MAPK10: variants seen among roughly 807,000 people sequenced by gnomAD.
MAPK10 encodes JNK3 alpha protein kinase.
A neutral mutation model predicts 59.3 loss-of-function variants in MAPK10; 25 were observed. The observed-to-expected ratio is 0.42, with a 90% confidence interval of 0.31 to 0.59. The LOEUF is 0.59. MAPK10 is among the 20% of genes least tolerant of loss of function. The pLI, the probability that MAPK10 is intolerant of heterozygous loss-of-function variation, is 0.15. For synonymous variants in MAPK10, 190 were observed against 200.5 expected, an observed-to-expected ratio of 0.95 and a Z score of 0.44; for missense variants, 351 against 568.9, an observed-to-expected ratio of 0.62 and a Z score of 3.90.
chr4:86,070,257 C>T (rs1220768026), intron 9 of MAPK10, among the ~76,000 whole-genome samples: 2 of 151,922 alleles, frequency 1.3e-5, no homozygotes, highest in Non-Finnish European at 2.9e-5. Flanking sequence ...GTGTGTATAT[C>T]TACATATGGT....
At chr4:86,037,451 T>TGG (rs1467650403) in intron 11 of MAPK10, among the ~76,000 whole-genome samples, 16 of 150,836 alleles carry the variant, frequency 1.1e-4, no homozygotes, top group Non-Finnish European at 1.9e-4. Context: ...ACTTGGGAGG[T>TGG]GGAGCTTGCA....
At position 86,226,845 on chromosome 4, in the gene MAPK10, A is replaced by C. The variant is rs570982957; in HGVS notation, c.-6-32438T>G. ...TGAGAATGAATTCCTGAAGAATCTG[A>C]CATAGCTGTCCCTGAGCATTTGCCA... On this transcript the variant is annotated intron_variant, in intron 2 of 13. Coordinates refer to ENST00000641462, the MANE Select transcript of MAPK10 (RefSeq NM_138982.4). Among the ~76,000 whole-genome samples the C allele has an allele frequency of 2.0e-5, 3 of 152,312 alleles. No homozygotes were observed. The South Asian group carries it at 6.2e-4, about 32-fold the overall frequency.
At chr4:86,080,323 AT>A (rs1235449997) in intron 9 of MAPK10, 1 of 151,878 alleles carries the variant, frequency 6.6e-6, no homozygotes, top group Non-Finnish European at 1.5e-5. Context: ...AAAAAAAAAA[AT>A]CCCAAATGAA....
At chr4:86,307,129 T>C (rs780523130) in intron 2 of MAPK10, among the ~76,000 whole-genome samples, 4 of 152,152 alleles carry the variant, frequency 2.6e-5, no homozygotes, top group African/African-American at 4.8e-5. Context: ...GTGGCATAAA[T>C]TGAGATTCCA....
chr4:86,438,239 T>C (rs1675930958), intron 1 of MAPK10, among the ~76,000 whole-genome samples: 1 of 152,238 alleles, frequency 6.6e-6, no homozygotes, highest in South Asian at 2.1e-4. Context: ...TTATTGTATG[T>C]TATACTTAAA....
intron 1 of MAPK10, among the ~76,000 whole-genome samples, chr4:86,452,848 A>G: frequency 6.6e-6 from 1 of 152,132 alleles, no homozygotes. Context: ...CTGCAGGAAT[A>G]CATTAGGAAT....
chr4:86,544,788 T>C (rs950701060), intron 1 of MAPK10, among the ~76,000 whole-genome samples: 2 of 152,236 alleles, frequency 1.3e-5, no homozygotes, highest in African/African-American at 4.8e-5. Context: ...GATTGCTTCC[T>C]GTGGTGAACA....
intron 2 of MAPK10, among the ~76,000 whole-genome samples, chr4:86,236,186 A>G (rs2092208383): frequency 6.6e-6 from 1 of 152,190 alleles, no homozygotes; most frequent in East Asian, 1.9e-4. Flanking sequence ...GACCCTTGTG[A>G]TTATATTGGG....
At chr4:86,524,376 T>C (rs1479762997) in intron 1 of MAPK10, among the ~76,000 whole-genome samples, 1 of 152,230 alleles carries the variant, frequency 6.6e-6, no homozygotes, top group Non-Finnish European at 1.5e-5. Context: ...AATCTTGAAG[T>C]AATCACTTGA....
chr4:86,499,556 A>G (rs1259931058), intron 1 of MAPK10, among the ~76,000 whole-genome samples: 1 of 152,232 alleles, frequency 6.6e-6, no homozygotes, highest in Non-Finnish European at 1.5e-5. Context: ...CAATTAGACA[A>G]AAAGACAAAC....
Position 86,571,327 on chromosome 4 carries a change from C to CGTGT in MAPK10, c.-263+22579_-263+22582dup, listed in dbSNP as rs34133535. On this transcript the variant is annotated intron_variant, in intron 1 of 4. Coordinates refer to the MAPK10 transcript ENST00000502302. ...TATATATTTACTGGATATATATATACGTGTGTGTGTGTGTGTGTGTGTGTG... is the reference window on the plus strand; with the variant it reads ...TATATATTTACTGGATATATATATACGTGTGTGTGTGTGTGTGTGTGTGTGTGTG... Among the ~76,000 whole-genome samples the CGTGT allele has an allele frequency of 1.4e-3, 195 of 139,702 alleles. 1 individual carries two copies. Among genetic ancestry groups the CGTGT allele is most frequent in the Middle Eastern group, 3.8e-3 (1 of 260 alleles). 91.6% of individuals were successfully genotyped at this position (139,702 alleles called of 152,430 possible).
chr4:86,380,912 GAA>G (rs969214138), intron 1 of MAPK10, among the ~76,000 whole-genome samples: 4 of 141,340 alleles, frequency 2.8e-5, no homozygotes, highest in Non-Finnish European at 4.6e-5. Context: ...ATTTAAAAAA[GAA>G]AAAGAGAGAC....
intron 2 of MAPK10, among the ~76,000 whole-genome samples, chr4:86,230,773 C>G (rs2091421189): frequency 6.6e-6 from 1 of 151,984 alleles, no homozygotes; most frequent in African/African-American, 2.4e-5. Context: ...TGTTTTTAAC[C>G]TCAAAATAGC....
intron 1 of MAPK10, among the ~76,000 whole-genome samples, chr4:86,469,847 T>C (rs1358405182): frequency 1.3e-5 from 2 of 152,084 alleles, no homozygotes; most frequent in African/African-American, 4.8e-5. Flanking sequence ...GACTAAGAGG[T>C]AAAGACAATT....
Position 86,236,682 on chromosome 4 carries a change from T to C in MAPK10, c.-6-42275A>G, listed in dbSNP as rs145647012. Among the ~76,000 whole-genome samples the C allele has an allele frequency of 8.5e-3, 1,297 of 152,280 alleles. 14 individuals are homozygous for C. Among genetic ancestry groups the C allele is most frequent in the Non-Finnish European group, 0.013 (860 of 68,034 alleles). On this transcript the variant is annotated intron_variant, in intron 2 of 13. Transcript: ENST00000641462. ...ATTGTGACGGTTCAAGGAGAGGGTC[T>C]GAACTAAACAAATAGTTTGGAGATG...
At position 86,340,653 on chromosome 4, in the gene MAPK10, G is replaced by T. The variant is rs1191088744; in HGVS notation, c.-7+13877C>A. Among the ~76,000 whole-genome samples, 4 of 152,174 alleles carry T rather than the reference G, an allele frequency of 2.6e-5. No homozygotes were observed. The East Asian group carries it at 7.7e-4, about 29-fold the overall frequency. ...AACCATATCACACATCTAGTATATG[G>T]TTAAGGTAAGTGTACCCCATACTAA... On this transcript the variant is annotated intron_variant, in intron 2 of 13. Transcript: ENST00000641462.
chr4:86,088,783 A>C (rs1443346703), intron 9 of MAPK10, among the ~76,000 whole-genome samples: 1 of 152,170 alleles, frequency 6.6e-6, no homozygotes, highest in Non-Finnish European at 1.5e-5. Context: ...GAGGAACATG[A>C]ATCTGATAAA....
chr4:86,472,006 T>C lies in MAPK10; in HGVS notation c.-262-117362A>G, dbSNP rs574465962. On this transcript the variant is annotated intron_variant, in intron 1 of 4. Coordinates refer to the MAPK10 transcript ENST00000502302. ...CCAACATTCATCAGGAATAAACCAA[T>C]TGCCATAATAAACTGATTACATGTA... 3.0e-4 allele frequency among the ~76,000 whole-genome samples: 46 copies of C among 152,298 alleles called. 1 individual carries two copies. The highest frequency in any genetic ancestry group is 1.1e-3 in the African/African-American group (46 of 41,574).
intron 1 of MAPK10, among the ~76,000 whole-genome samples, chr4:86,396,981 A>G (rs1743026544): frequency 1.3e-5 from 2 of 152,178 alleles, no homozygotes; most frequent in Admixed American, 6.5e-5. Flanking sequence ...TCACCTATTT[A>G]CTTTTTAATG....
Sources: gnomAD v4.1 joint callset for allele counts (sites outside exome capture counted in the v4.1 genomes callset) on GRCh38, gnomAD v4.1.1 for gene constraint, MANE v1.5 for transcripts, NCBI Gene and HGNC (gene_info 2026-07-23, HGNC 2026-07-21) for gene names.